Variants in RUSC2 observed in about 807,000 individuals in gnomAD.
The protein encoded by RUSC2 is AP-4 complex accessory subunit RUSC2.
RUSC2 carries 34 observed loss-of-function variants against 122.2 expected under a neutral mutation model. That is an observed-to-expected ratio of 0.28 (90% CI 0.21 to 0.37). RUSC2 has a LOEUF of 0.37. Ranked by LOEUF, RUSC2 falls within the 10% of genes least tolerant of loss-of-function variation. The pLI is 1.00. For synonymous variants in RUSC2, 784 were observed against 790.0 expected (o/e 0.99, Z 0.13); for missense variants, 1,747 against 1,952.4 (o/e 0.89, Z 1.98).
chr9:35,511,409 T>C (rs1425864841), intron 1 of RUSC2, among the ~76,000 whole-genome samples: 1 of 152,172 alleles, frequency 6.6e-6, no homozygotes, highest in African/African-American at 2.4e-5. Context: ...AGTATGAGTA[T>C]GGTATGAAGA....
At chr9:35,508,982 T>C (rs950814501) in intron 1 of RUSC2, among the ~76,000 whole-genome samples, 2 of 152,014 alleles carry the variant, frequency 1.3e-5, no homozygotes, top group Admixed American at 6.6e-5. Flanking sequence ...TCTTGAAAAT[T>C]TGGAAAACCA....
chr9:35,540,085 G>A (rs1821612398), intron 1 of RUSC2, among the ~76,000 whole-genome samples: 1 of 152,190 alleles, frequency 6.6e-6, no homozygotes, highest in Admixed American at 6.5e-5. Flanking sequence ...GGTAGAAAGA[G>A]TTCCCTAAAT....
chr9:35,542,182 G>GT (rs1564260392), intron 1 of RUSC2, among the ~76,000 whole-genome samples: 2 of 152,144 alleles, frequency 1.3e-5, no homozygotes, highest in African/African-American at 4.8e-5. Flanking sequence ...TCTTGGTTGT[G>GT]TGGAGATCAG....
chr9:35,532,599 A>G (rs938749150), intron 1 of RUSC2, among the ~76,000 whole-genome samples: 1 of 151,992 alleles, frequency 6.6e-6, no homozygotes, highest in African/African-American at 2.4e-5. Flanking sequence ...ACAAAAATAT[A>G]GCTGGGTGTG....
At chr9:35,495,030 T>TATATATACTATAGTATATATA (rs1413815200) in intron 1 of RUSC2, among the ~76,000 whole-genome samples, 7,211 of 86,248 alleles carry the variant, frequency 0.084, 520 homozygotes, top group Admixed American at 0.12. Flanking sequence ...TTTTATATAT[T>TATATATACTATAGTATATATA]ATATATACTA....
Position 35,555,691 on chromosome 9 carries a change from G to A in RUSC2, c.2646G>A (p.Arg882=). 3 of 1,588,166 alleles carry A rather than the reference G, an allele frequency of 1.9e-6. No homozygotes were observed. Among genetic ancestry groups the A allele is most frequent in the Non-Finnish European group, 2.5e-6 (3 of 1,176,596 alleles). The part of the protein sequence containing the change: ...RGGGEGSMAT[R]PSNANHLSPQ... Reference sequence around the variant, plus strand: ...GTGGTGAGGGCAGCATGGCCACCAGGCCCAGTAATGGTACGAGCTCCAGCA... The same window carrying A: ...GTGGTGAGGGCAGCATGGCCACCAGACCCAGTAATGGTACGAGCTCCAGCA... Residue 882 remains arginine (R), a synonymous_variant, in exon 3 of 12, where the codon AGG becomes AGA. Coordinates refer to ENST00000361226, the MANE Select transcript of RUSC2 (RefSeq NM_014806.5). The surrounding 1 kb of genome is among the most constrained non-coding windows in gnomAD (Gnocchi z 4.6).
At position 35,558,761 on chromosome 9, in the gene RUSC2, G is replaced by A. The variant is rs560515042; in HGVS notation, c.3341+194G>A. On this transcript the variant is annotated intron_variant, in intron 8 of 11. Coordinates refer to ENST00000361226, the MANE Select transcript of RUSC2 (RefSeq NM_014806.5). The surrounding 1 kb of genome is among the most constrained non-coding windows in gnomAD (Gnocchi z 4.3). Reference sequence around the variant, plus strand: ...CATGACTCTGTCACTGGTCACCAACGTGGTCTGCTTTTACAAATCTGTAAT... The same window carrying A: ...CATGACTCTGTCACTGGTCACCAACATGGTCTGCTTTTACAAATCTGTAAT... 1.1e-4 allele frequency among the ~76,000 whole-genome samples: 17 copies of A among 152,324 alleles called. No homozygotes were observed. The highest frequency in any genetic ancestry group is 7.2e-4 in the Admixed American group (11 of 15,310).
chr9:35,555,062 G>T lies in RUSC2; in HGVS notation c.2017G>T (p.Gly673Cys), dbSNP rs1821979867. The change falls in exon 3 of 12, where the codon GGT becomes TGT. Residue 673 changes from glycine to cysteine, a missense_variant and splice_region_variant. By Grantham distance (159) the Gly-to-Cys change is radical. Coordinates refer to ENST00000361226, the MANE Select transcript of RUSC2 (RefSeq NM_014806.5). This position sits in a 1 kb window ranked among gnomAD's most constrained non-coding sequence, Gnocchi z 4.6. The part of the protein sequence containing the change: ...QRDARARADG[G>C]GTESRPVLRY... ...TCTTCTCCATCCCTTTGCTACAGGG[G>T]GTGGCACCGAGAGCCGACCAGTCCT... 4 of 1,611,076 alleles carry T rather than the reference G, an allele frequency of 2.5e-6. No individual in the cohort carries two copies. In the South Asian group the frequency reaches 4.4e-5, roughly 18 times the overall value.
chr9:35,549,594 C>G (rs1446790680), intron 2 of RUSC2, among the ~76,000 whole-genome samples: 1 of 152,144 alleles, frequency 6.6e-6, no homozygotes, highest in African/African-American at 2.4e-5. Context: ...GGAGGAACTG[C>G]TAATGCAGTT....
chr9:35,536,712 G>T (rs1214349169), intron 1 of RUSC2, among the ~76,000 whole-genome samples: 1 of 149,522 alleles, frequency 6.7e-6, no homozygotes, highest in Non-Finnish European at 1.5e-5. Flanking sequence ...TACTCGGGAG[G>T]CTGAGACAGG....
At chr9:35,521,817 A>G (rs1421851505) in intron 1 of RUSC2, among the ~76,000 whole-genome samples, 1 of 152,246 alleles carries the variant, frequency 6.6e-6, no homozygotes, top group African/African-American at 2.4e-5. Context: ...TTGGAGTCCA[A>G]AATAACATGA....
intron 1 of RUSC2, among the ~76,000 whole-genome samples, chr9:35,534,132 C>CT (rs1372409733): frequency 6.6e-6 from 1 of 152,070 alleles, no homozygotes; most frequent in Non-Finnish European, 1.5e-5. Flanking sequence ...GATTGCCTGC[C>CT]TTTTTTTATT....
rs1481637809 is a variant in RUSC2, at chr9:35,546,198, T to G, written c.-92-232T>G. Among the ~76,000 whole-genome samples the G allele has an allele frequency of 6.6e-6, 1 of 152,158 alleles. No individual in the cohort carries two copies. Among genetic ancestry groups the G allele is most frequent in the Non-Finnish European group, 1.5e-5 (1 of 68,022 alleles). On this transcript the variant is annotated intron_variant, in intron 1 of 11. Coordinates refer to ENST00000361226, the MANE Select transcript of RUSC2 (RefSeq NM_014806.5). This position sits in a 1 kb window ranked among gnomAD's most constrained non-coding sequence, Gnocchi z 4.3. Reference sequence around the variant, plus strand: ...GAAGGACTTGGCCTTTTGTCATAATTTGATGCATAGTGACCTTAAAATTAA... The same window carrying G: ...GAAGGACTTGGCCTTTTGTCATAATGTGATGCATAGTGACCTTAAAATTAA...
In RUSC2 at chr9:35,558,274, C is replaced by T. The variant is rs758387813; in HGVS notation, c.3138C>T (p.Ala1046=). 17 of 1,614,170 alleles carry T rather than the reference C, an allele frequency of 1.1e-5. No individual in the cohort carries two copies. The highest frequency in any genetic ancestry group is 5.3e-5 in the African/African-American group (4 of 75,040). The change falls in exon 7 of 12, where the codon GCC becomes GCT. Residue 1046 remains alanine, a synonymous_variant. Coordinates refer to ENST00000361226, the MANE Select transcript of RUSC2 (RefSeq NM_014806.5). The surrounding 1 kb of genome is among the most constrained non-coding windows in gnomAD (Gnocchi z 4.3). ...AGTACTTGTGCCCTGCCGTCCGCGC[C>T]GTGCTGGAGGATGGGCTCAAGGCCT... ...VLKYLCPAVR[A]VLEDGLKAFV...
intron 1 of RUSC2, among the ~76,000 whole-genome samples, chr9:35,527,102 CTT>C (rs1430811082): frequency 6.6e-6 from 1 of 150,968 alleles, no homozygotes; most frequent in Non-Finnish European, 1.5e-5. Context: ...CTCACTTCAA[CTT>C]TGTCTTTTCT....
intron 1 of RUSC2, among the ~76,000 whole-genome samples, chr9:35,521,503 T>C (rs1821214470): frequency 6.6e-6 from 1 of 152,242 alleles, no homozygotes; most frequent in African/African-American, 2.4e-5. Flanking sequence ...ACTTTCCCAA[T>C]GCTGCAGTCT....
At chr9:35,540,823 C>T (rs946544479) in intron 1 of RUSC2, among the ~76,000 whole-genome samples, 6 of 152,048 alleles carry the variant, frequency 3.9e-5, no homozygotes, top group African/African-American at 1.2e-4. Context: ...TTTGGAAGGC[C>T]GTTGTAGTGG....
At chr9:35,512,124 T>C (rs1821021208) in intron 1 of RUSC2, among the ~76,000 whole-genome samples, 1 of 151,968 alleles carries the variant, frequency 6.6e-6, no homozygotes, top group Non-Finnish European at 1.5e-5. Context: ...GAGGTTGCAG[T>C]GAGCCAAGAT....
rs377169613 is a variant in RUSC2, at chr9:35,555,353, G to C, written c.2308G>C (p.Glu770Gln). 1.9e-6 allele frequency: 3 copies of C among 1,614,244 alleles called. No homozygotes were observed. Among genetic ancestry groups the C allele is most frequent in the Non-Finnish European group, 2.5e-6 (3 of 1,180,040 alleles). The change falls in exon 3 of 12, where the codon GAG becomes CAG. Residue 770 changes from glutamate (E) to glutamine (Q), a missense_variant. Physicochemically the swap from Glu to Gln is conservative, Grantham distance 29 (BLOSUM62 2). Coordinates refer to ENST00000361226, the MANE Select transcript of RUSC2 (RefSeq NM_014806.5). The surrounding 1 kb of genome is among the most constrained non-coding windows in gnomAD (Gnocchi z 4.6). ...RGARKAGSEP[E>Q]TSRPSPLGSY... is the part of the protein sequence containing the mutation. ...TGCCAGGAAAGCTGGGTCTGAGCCA[G>C]AGACCTCTCGGCCATCGCCCCTGGG...
Sources: gnomAD v4.1 joint callset for allele counts (sites outside exome capture counted in the v4.1 genomes callset) on GRCh38, gnomAD v4.1.1 for gene constraint, Gnocchi (gnomAD v3.1) non-coding constraint, MANE v1.5 for transcripts, NCBI Gene and HGNC (gene_info 2026-07-23, HGNC 2026-07-21) for gene names.